The following MALRD1 variants were observed in gnomAD, a reference collection of about 807,000 sequenced individuals.
The protein encoded by MALRD1 is MAM and LDL-receptor class A domain-containing protein 1.
A neutral mutation model predicts 242.1 loss-of-function variants in MALRD1; 247 were observed. The observed-to-expected ratio is 1.02, with a 90% confidence interval of 0.92 to 1.13. MALRD1 has a LOEUF of 1.13. MALRD1 is among the 50% of genes most tolerant of loss of function. The probability of loss-of-function intolerance (pLI) is 0.00; values close to 1 mark genes in which losing one functional copy is unlikely to be tolerated. For missense variants in MALRD1, 2,989 were observed against 2,533.1 expected, an observed-to-expected ratio of 1.18 and a Z score of -3.86; for synonymous variants, 995 against 866.6, an observed-to-expected ratio of 1.15 and a Z score of -2.60.
intron 38 of MALRD1, among the ~76,000 whole-genome samples, chr10:19,726,240 A>G (rs1334913405): frequency 6.6e-6 from 1 of 152,208 alleles, no homozygotes; most frequent in Non-Finnish European, 1.5e-5. Context: ...ATAAAAATCC[A>G]TACAACTTAA....
rs34790120 is a variant in MALRD1 at position 19,182,324 on chromosome 10, A to ATTTTTTTTT, written c.1951+7012_1951+7020dup. Among the ~76,000 whole-genome samples, 23 of 81,960 alleles carry ATTTTTTTTT rather than the reference A, an allele frequency of 2.8e-4. 1 individual carries two copies. The highest frequency in any genetic ancestry group is 4.4e-4 in the Non-Finnish European group (20 of 45,612). 53.8% of individuals were successfully genotyped at this position (81,960 alleles called of 152,430 possible). On this transcript the variant is annotated intron_variant, in intron 14 of 39. Transcript: ENST00000454679. ...AACACAGTCTGCCTCCAAAACCTAC[A>ATTTTTTTTT]TTTTTTTTTTTTTTTTTTTTTTTTG...
At chr10:19,374,808 C>G (rs1889520) in intron 26 of MALRD1, among the ~76,000 whole-genome samples, 6 of 151,950 alleles carry the variant, frequency 3.9e-5, no homozygotes, top group African/African-American at 1.4e-4. Flanking sequence ...TATCTGGAGA[C>G]CATCACAGGA....
chr10:19,242,622 A>G (rs1460243541), intron 18 of MALRD1, among the ~76,000 whole-genome samples: 3 of 152,052 alleles, frequency 2.0e-5, no homozygotes, highest in Non-Finnish European at 2.9e-5. Flanking sequence ...ATATAGTTAC[A>G]CCTAAGTAAT....
chr10:19,129,060 C>G (rs949667074), intron 8 of MALRD1, among the ~76,000 whole-genome samples: 4 of 152,064 alleles, frequency 2.6e-5, no homozygotes, highest in African/African-American at 9.7e-5. Flanking sequence ...TTTTCCAACA[C>G]AGCAATTCAG....
At chr10:19,238,623 G>T (rs1355740430) in intron 18 of MALRD1, among the ~76,000 whole-genome samples, 4 of 95,782 alleles carry the variant, frequency 4.2e-5, no homozygotes, top group African/African-American at 1.1e-4. Context: ...AGACACACAG[G>T]TTGATTCCAT....
At chr10:19,224,810 CTT>C (rs1403163697) in intron 18 of MALRD1, among the ~76,000 whole-genome samples, 2 of 152,108 alleles carry the variant, frequency 1.3e-5, no homozygotes, top group Non-Finnish European at 2.9e-5. Flanking sequence ...ATGATAGTGT[CTT>C]TTGCTGTGCA....
chr10:19,621,986 C>T (rs1839423227), intron 36 of MALRD1, among the ~76,000 whole-genome samples: 1 of 151,862 alleles, frequency 6.6e-6, no homozygotes, highest in South Asian at 2.1e-4. Flanking sequence ...AAAAGAGGCA[C>T]TATGGAAAAT....
intron 12 of MALRD1, among the ~76,000 whole-genome samples, chr10:19,160,744 T>G (rs1196844775): frequency 1.1e-5 from 1 of 91,320 alleles, no homozygotes. Flanking sequence ...TCTAGTTTAT[T>G]TGCGTAGAGG....
chr10:19,520,997 G>A (rs183287165), intron 31 of MALRD1, among the ~76,000 whole-genome samples: 4 of 152,084 alleles, frequency 2.6e-5, no homozygotes, highest in East Asian at 1.9e-4. Context: ...TTTCAAGCAC[G>A]ACCCAAATGA....
intron 28 of MALRD1, among the ~76,000 whole-genome samples, chr10:19,414,865 G>C (rs1268469083): frequency 2.0e-5 from 3 of 152,106 alleles, no homozygotes; most frequent in East Asian, 3.9e-4. Context: ...ATATAAAAGA[G>C]AGTCATATTG....
intron 29 of MALRD1, among the ~76,000 whole-genome samples, chr10:19,454,431 T>TATATATATACATAC (rs1011890675): frequency 1.5e-5 from 2 of 136,712 alleles, no homozygotes; most frequent in African/African-American, 5.4e-5. Context: ...TATATATATA[T>TATATATATACATAC]AATTATATGA....
chr10:19,448,067 A>G (rs545938158), intron 28 of MALRD1, among the ~76,000 whole-genome samples: 2 of 152,300 alleles, frequency 1.3e-5, no homozygotes, highest in East Asian at 1.9e-4. Flanking sequence ...CACTTGATCA[A>G]ACATCTTCAT....
intron 36 of MALRD1, among the ~76,000 whole-genome samples, chr10:19,646,466 G>A (rs1183866674): frequency 6.6e-6 from 1 of 152,152 alleles, no homozygotes; most frequent in African/African-American, 2.4e-5. Context: ...TTAGCTGGGT[G>A]TAGTGGCACG....
At chr10:19,120,835 C>G (rs1029659170) in intron 5 of MALRD1, among the ~76,000 whole-genome samples, 2 of 152,280 alleles carry the variant, frequency 1.3e-5, no homozygotes, top group South Asian at 4.1e-4. Flanking sequence ...ACCCTGCCTC[C>G]CGGGTTCAAC....
chr10:19,073,577 C>A (rs1225792089), intron 2 of MALRD1, among the ~76,000 whole-genome samples: 1 of 152,022 alleles, frequency 6.6e-6, no homozygotes, highest in Non-Finnish European at 1.5e-5. Context: ...TATTTTAAAA[C>A]CTTGTACAAA....
intron 7 of MALRD1, among the ~76,000 whole-genome samples, chr10:19,126,338 T>A (rs1011754429): frequency 6.6e-6 from 1 of 152,082 alleles, no homozygotes; most frequent in African/African-American, 2.4e-5. Context: ...TCATCTTGAG[T>A]TTCTATTAAA....
chr10:19,258,379 T>A (rs1044621286), intron 19 of MALRD1, among the ~76,000 whole-genome samples: 1 of 152,024 alleles, frequency 6.6e-6, no homozygotes. Flanking sequence ...CCTTGAATAG[T>A]GTTATGAGGA....
chr10:19,622,659 AAC>A (rs1839457099), intron 36 of MALRD1, among the ~76,000 whole-genome samples: 1 of 149,680 alleles, frequency 6.7e-6, no homozygotes, highest in Non-Finnish European at 1.5e-5. Context: ...AAAAAAAAAA[AAC>A]AAACTATGAG....
Position 19,128,251 on chromosome 10 carries a change from G to T in MALRD1, c.974G>T (p.Gly325Val). ...TATGTATGGGTAGGCGCTAAGCATG[G>T]TTTCACTCTTAACCATTTAGACAGC... is the stretch of plus-strand genomic sequence containing the variant. ...GYYVWVGAKH[G>V]FTLNHLDSRA... Residue 325 changes from glycine to valine, a missense_variant, in exon 8 of 40, where the codon GGT becomes GTT. Physicochemically the swap from Gly to Val is moderately radical, Grantham distance 109. Transcript: ENST00000454679. The T allele has an allele frequency of 1.6e-6, 2 of 1,233,442 alleles. No individual in the cohort carries two copies. Among genetic ancestry groups the T allele is most frequent in the Non-Finnish European group, 2.0e-6 (2 of 987,856 alleles). 76.4% of individuals were successfully genotyped at this position (1,233,442 alleles called of 1,614,324 possible).
Sources: gnomAD v4.1 joint callset for allele counts (sites outside exome capture counted in the v4.1 genomes callset) on GRCh38, gnomAD v4.1.1 for gene constraint, MANE v1.5 for transcripts, NCBI Gene and HGNC (gene_info 2026-07-23, HGNC 2026-07-21) for gene names.